The following ASIC2 variants were observed in gnomAD, a reference collection of about 807,000 sequenced individuals.
ASIC2 encodes acid sensing ion channel subunit 2.
ASIC2 carries 25 observed loss-of-function variants against 57.3 expected under a neutral mutation model. The observed-to-expected ratio is 0.44, with a 90% CI of 0.32 to 0.61. The LOEUF (loss-of-function observed/expected upper bound fraction) is 0.61. ASIC2 is among the 20% of genes least tolerant of loss of function. The pLI is 0.06. For missense variants in ASIC2, 641 were observed against 738.1 expected (o/e 0.87, Z 1.52); for synonymous variants, 319 against 307.5 (o/e 1.04, Z -0.39).
intron 1 of ASIC2, among the ~76,000 whole-genome samples, chr17:33,269,672 T>TTCCC (rs1298868043): frequency 5.3e-5 from 4 of 74,886 alleles, no homozygotes; most frequent in South Asian, 4.3e-4. Flanking sequence ...CCTTCCTTCC[T>TTCCC]TCCCTCCCTC....
At chr17:33,424,893 G>A (rs879723340) in intron 1 of ASIC2, among the ~76,000 whole-genome samples, 2 of 152,160 alleles carry the variant, frequency 1.3e-5, no homozygotes, top group Non-Finnish European at 2.9e-5. Flanking sequence ...CCCAACCTGG[G>A]AGCCACTTGC....
chr17:33,376,241 A>T (rs145937807), intron 1 of ASIC2, among the ~76,000 whole-genome samples: 1 of 152,288 alleles, frequency 6.6e-6, no homozygotes, highest in Non-Finnish European at 1.5e-5. Flanking sequence ...AAAGAATACA[A>T]ATACAATAAA....
chr17:33,611,716 A>C (rs150213164), intron 1 of ASIC2, among the ~76,000 whole-genome samples: 1 of 152,374 alleles, frequency 6.6e-6, no homozygotes, highest in Non-Finnish European at 1.5e-5. Context: ...TTGTGCAAGC[A>C]CATGCAAAAC....
intron 3 of ASIC2, among the ~76,000 whole-genome samples, chr17:33,036,734 T>C (rs1311624877): frequency 6.6e-6 from 1 of 152,210 alleles, no homozygotes; most frequent in Non-Finnish European, 1.5e-5. Context: ...CTAACTGCCC[T>C]GTTCTTCCTT....
intron 1 of ASIC2, among the ~76,000 whole-genome samples, chr17:33,177,529 G>A (rs1176437013): frequency 6.6e-6 from 1 of 152,124 alleles, no homozygotes; most frequent in African/African-American, 2.4e-5. Flanking sequence ...AGCTGGAGGT[G>A]GGTGCCCCAG....
At chr17:33,937,784 G>A (rs2141976399) in intron 1 of ASIC2, among the ~76,000 whole-genome samples, 1 of 152,262 alleles carries the variant, frequency 6.6e-6, no homozygotes, top group African/African-American at 2.4e-5. Flanking sequence ...TTCATTGAGA[G>A]TTTTGTTTGT....
At chr17:33,892,536 C>G (rs1049994547) in intron 1 of ASIC2, among the ~76,000 whole-genome samples, 14 of 152,142 alleles carry the variant, frequency 9.2e-5, no homozygotes, top group South Asian at 2.1e-4. Context: ...CTACATTACT[C>G]AAATAGAAGG....
chr17:33,359,987 G>A (rs1908536191), intron 1 of ASIC2, among the ~76,000 whole-genome samples: 1 of 152,012 alleles, frequency 6.6e-6, no homozygotes, highest in Admixed American at 6.6e-5. Flanking sequence ...AGTTATTTGG[G>A]GTTTTCTGTT....
At chr17:33,074,391 T>C (rs2092081293) in intron 3 of ASIC2, among the ~76,000 whole-genome samples, 2 of 152,198 alleles carry the variant, frequency 1.3e-5, no homozygotes, top group Non-Finnish European at 2.9e-5. Flanking sequence ...GGAGGTGCTG[T>C]GTGCCTTTGC....
At chr17:34,117,200 T>C (rs1034299670) in intron 1 of ASIC2, among the ~76,000 whole-genome samples, 11 of 152,146 alleles carry the variant, frequency 7.2e-5, no homozygotes, top group African/African-American at 2.7e-4. Context: ...CTACACAGTA[T>C]ACTAGGGAAG....
chr17:34,091,005 C>G (rs1910311056), intron 1 of ASIC2, among the ~76,000 whole-genome samples: 1 of 152,232 alleles, frequency 6.6e-6, no homozygotes, highest in African/African-American at 2.4e-5. Context: ...CATCAGCCTA[C>G]CTGGTACCTT....
chr17:33,056,603 G>T (rs2091999077), intron 3 of ASIC2, among the ~76,000 whole-genome samples: 1 of 152,164 alleles, frequency 6.6e-6, no homozygotes, highest in East Asian at 1.9e-4. Flanking sequence ...GTTCAGGGCT[G>T]GTAGCCTAGG....
intron 1 of ASIC2, among the ~76,000 whole-genome samples, chr17:33,497,275 A>G (rs777435192): frequency 4.6e-5 from 7 of 152,240 alleles, no homozygotes; most frequent in Non-Finnish European, 1.0e-4. Flanking sequence ...CACGAATCCA[A>G]GAAAGCCCTT....
intron 1 of ASIC2, among the ~76,000 whole-genome samples, chr17:33,714,985 T>TTTTTTATTATTATTA (rs377651164): frequency 1.0e-3 from 144 of 142,214 alleles, no homozygotes; most frequent in African/African-American, 3.7e-3. Flanking sequence ...GCCAGGCTAA[T>TTTTTTATTATTATTA]TTATTATTAT....
intron 1 of ASIC2, among the ~76,000 whole-genome samples, chr17:33,503,198 G>A: frequency 6.6e-6 from 1 of 152,178 alleles, no homozygotes; most frequent in East Asian, 1.9e-4. Context: ...GGAGATGAGA[G>A]AATGGTGATG....
At chr17:33,735,208 G>T (rs949259392) in intron 1 of ASIC2, among the ~76,000 whole-genome samples, 2 of 152,004 alleles carry the variant, frequency 1.3e-5, no homozygotes, top group African/African-American at 4.8e-5. Flanking sequence ...CATTGTGTTT[G>T]CTTATTTTCT....
intron 1 of ASIC2, among the ~76,000 whole-genome samples, chr17:33,652,387 A>T (rs1202550182): frequency 6.6e-6 from 1 of 152,218 alleles, no homozygotes; most frequent in African/African-American, 2.4e-5. Flanking sequence ...GCCAACATGC[A>T]TTGAGTAGCA....
intron 1 of ASIC2, among the ~76,000 whole-genome samples, chr17:33,155,235 G>A (rs1273985077): frequency 6.6e-6 from 1 of 152,274 alleles, no homozygotes; most frequent in African/African-American, 2.4e-5. Context: ...GACCACGGCT[G>A]TTCCTGAACG....
intron 1 of ASIC2, among the ~76,000 whole-genome samples, chr17:33,342,337 CGTGT>C (rs56349138): frequency 0.12 from 17,814 of 150,480 alleles, 1,103 homozygotes; most frequent in African/African-American, 0.17. Context: ...TGTGTGTGTA[CGTGT>C]GTGTGTGTAC....
Sources: allele counts gnomAD v4.1 joint callset (sites outside exome capture counted in the v4.1 genomes callset), GRCh38; gene constraint gnomAD v4.1.1; transcripts MANE v1.5; gene names NCBI Gene and HGNC (gene_info 2026-07-23, HGNC 2026-07-21).